Variants in SLC44A3 observed in about 807,000 individuals in gnomAD.
The protein encoded by SLC44A3 is solute carrier family 44 member 3, also known as choline transporter-like protein 3.
Under a neutral mutation model 75.4 loss-of-function variants are expected in SLC44A3, and 74 were observed. That is an observed-to-expected ratio of 0.98 (90% CI 0.81 to 1.19). The LOEUF (loss-of-function observed/expected upper bound fraction) is 1.19. SLC44A3 is among the 50% of genes most tolerant of loss of function. The pLI, the probability that SLC44A3 is intolerant of heterozygous loss-of-function variation, is 0.00. For missense variants in SLC44A3, 700 were observed against 778.6 expected (o/e 0.90, Z 1.20); for synonymous variants, 310 against 296.9 (o/e 1.04, Z -0.45).
chr1:94,860,204 T>C (rs1419399736), intron 10 of SLC44A3, among the ~76,000 whole-genome samples: 1 of 152,126 alleles, frequency 6.6e-6, no homozygotes. Context: ...GATGTATTGC[T>C]AGGATCCCCT....
At chr1:94,831,145 A>C (rs921491214) in intron 5 of SLC44A3, among the ~76,000 whole-genome samples, 1 of 152,132 alleles carries the variant, frequency 6.6e-6, no homozygotes. Flanking sequence ...CCTGTGTCAT[A>C]ATAGCACCAT....
intron 13 of SLC44A3, 142 bp from the exon 14 acceptor site, chr1:94,892,139 C>A (rs1571493162): frequency 7.6e-6 from 6 of 789,210 alleles, no homozygotes; most frequent in Non-Finnish European, 1.2e-5. Context: ...TTCATTCTGC[C>A]AAAATTTCTG....
chr1:94,870,273 T>C (rs1489276871), intron 12 of SLC44A3, among the ~76,000 whole-genome samples: 1 of 152,212 alleles, frequency 6.6e-6, no homozygotes, highest in African/African-American at 2.4e-5. Context: ...CTGGGCATAA[T>C]AGGGACCAGG....
intron 9 of SLC44A3, among the ~76,000 whole-genome samples, chr1:94,852,291 G>A (rs145340493): frequency 0.013 from 1,910 of 152,268 alleles, 13 homozygotes; most frequent in Non-Finnish European, 0.018. Context: ...AATAGGAAAT[G>A]CATGAGGGGG....
rs1362049639 is a variant in SLC44A3 at position 94,892,391 on chromosome 1, A to C, written c.1731A>C (p.Leu577Phe). Residue 577 changes from leucine (L) to phenylalanine (F), a missense_variant, in exon 14 of 15, where the codon TTA becomes TTC. Physicochemically the swap from Leu to Phe is conservative, Grantham distance 22. Coordinates refer to ENST00000271227, the MANE Select transcript of SLC44A3 (RefSeq NM_001114106.3). ...PLLLVAFFAY[L>F]VAHSFLSVFE... is the part of the protein sequence containing the mutation. ...TATTGGTAGCTTTTTTTGCCTACTT[A>C]GTAGCCCATAGTTTTTTATCTGTGT... 1 of 1,614,144 alleles carries C rather than the reference A, an allele frequency of 6.2e-7. No individual in the cohort carries two copies. The highest frequency in any genetic ancestry group is 1.1e-5 in the South Asian group (1 of 91,072).
At chr1:94,867,528 AT>A in intron 12 of SLC44A3, 111 bp downstream of exon 12, 1 of 733,640 alleles carries the variant, frequency 1.4e-6, no homozygotes. Context: ...TTGTGTAAAC[AT>A]TTTAGGCTTT....
intron 10 of SLC44A3, 129 bp from the exon 11 acceptor site, chr1:94,864,614 A>G (rs776347075): frequency 1.4e-5 from 13 of 925,252 alleles, no homozygotes; most frequent in Non-Finnish European, 1.9e-5. Context: ...AAGGAGTATA[A>G]AAAGTTCGCC....
intron 13 of SLC44A3, among the ~76,000 whole-genome samples, chr1:94,891,749 C>T (rs966526389): frequency 1.3e-5 from 2 of 151,934 alleles, no homozygotes; most frequent in East Asian, 1.9e-4. Flanking sequence ...ATGGGAAAAC[C>T]CCGTCTCTAC....
chr1:94,827,442 G>A (rs1170651544), intron 3 of SLC44A3, 65 bp from the exon 4 acceptor site: 6 of 1,587,736 alleles, frequency 3.8e-6, no homozygotes, highest in South Asian at 2.2e-5. Context: ...ATTTTTTAAG[G>A]CCCACAATTA....
chr1:94,841,053 A>G lies in SLC44A3; in HGVS notation c.761-947A>G, dbSNP rs545365248. ...TGTGAACATCACAGGGTGCACTTAC[A>G]CAAACCTAGATGGTAGAGCCTACTA... On this transcript the variant is annotated intron_variant, in intron 7 of 14. Transcript: ENST00000271227. Among the ~76,000 whole-genome samples, 243 of 152,326 alleles carry G rather than the reference A, an allele frequency of 1.6e-3. 1 individual carries two copies. Among genetic ancestry groups the G allele is most frequent in the African/African-American group, 5.5e-3 (229 of 41,580 alleles).
chr1:94,837,619 A>G, intron 5 of SLC44A3, 92 bp from the exon 6 acceptor site: 1 of 1,319,312 alleles, frequency 7.6e-7, no homozygotes, highest in Non-Finnish European at 1.0e-6. Flanking sequence ...GTAGTTCTTA[A>G]GCTTTTTTGG....
chr1:94,820,489 G>C lies in SLC44A3; in HGVS notation c.27+11G>C. On this transcript the variant is annotated intron_variant, in intron 1 of 14. Coordinates refer to ENST00000271227, the MANE Select transcript of SLC44A3 (RefSeq NM_001114106.3). Reference sequence around the variant, plus strand: ...GGCGCCGAGTACCTGGTAAGCGCTCGCAGCCTCGGCCCTCGGGGGAGGAGC... The same window carrying C: ...GGCGCCGAGTACCTGGTAAGCGCTCCCAGCCTCGGCCCTCGGGGGAGGAGC... The C allele has an allele frequency of 2.0e-6, 3 of 1,491,710 alleles. No homozygotes were observed. The highest frequency in any genetic ancestry group is 2.7e-6 in the Non-Finnish European group (3 of 1,123,186). The allele number at this position is 1,491,710 out of a possible 1,614,324, so 92.4% of individuals were successfully genotyped here.
At chr1:94,884,273 CT>C (rs1217789424) in intron 12 of SLC44A3, among the ~76,000 whole-genome samples, 3 of 77,626 alleles carry the variant, frequency 3.9e-5, no homozygotes, top group Non-Finnish European at 1.1e-4. Flanking sequence ...CGGTGCATTC[CT>C]GAAGGGATCT....
At position 94,835,966 on chromosome 1, in the gene SLC44A3, G is replaced by A. The variant is rs766916976; in HGVS notation, c.510-1745G>A. Among the ~76,000 whole-genome samples, 40 of 152,310 alleles carry A rather than the reference G, an allele frequency of 2.6e-4. No individual in the cohort carries two copies. In the Middle Eastern group the frequency reaches 0.01, roughly 39 times the overall value. On this transcript the variant is annotated intron_variant, in intron 5 of 14. Coordinates refer to ENST00000271227, the MANE Select transcript of SLC44A3 (RefSeq NM_001114106.3). ...CAAAAATGTAATTACAAAAAACACC[G>A]TTTGTGTTACTCTTCTCTTGAACCA... is the stretch of plus-strand genomic sequence containing the variant.
intron 14 of SLC44A3, among the ~76,000 whole-genome samples, chr1:94,893,748 G>A (rs1177809207): frequency 6.6e-6 from 1 of 152,094 alleles, no homozygotes; most frequent in Non-Finnish European, 1.5e-5. Flanking sequence ...GCTTATGATG[G>A]TGGTATGTAG....
At chr1:94,821,124 AAATGTAAATCG>A (rs1660520587) in intron 2 of SLC44A3, 68 bp downstream of exon 2, 5 of 197,294 alleles carry the variant, frequency 2.5e-5, no homozygotes, top group East Asian at 7.4e-5. Flanking sequence ...ACTCTGTCCC[AAATGTAAATCG>A]TAGTTGGTGC....
chr1:94,831,401 G>A (rs1471942155), intron 5 of SLC44A3, among the ~76,000 whole-genome samples: 1 of 152,196 alleles, frequency 6.6e-6, no homozygotes, highest in African/African-American at 2.4e-5. Context: ...AACATGAGAA[G>A]GGTGGCTATA....
chr1:94,878,432 G>A (rs751334307), intron 12 of SLC44A3, among the ~76,000 whole-genome samples: 20 of 152,010 alleles, frequency 1.3e-4, no homozygotes, highest in Middle Eastern at 3.2e-3. Context: ...TATCAGCCCC[G>A]GGTTCATGCT....
intron 8 of SLC44A3, among the ~76,000 whole-genome samples, chr1:94,844,082 C>T (rs1197835974): frequency 6.6e-6 from 1 of 152,148 alleles, no homozygotes; most frequent in South Asian, 2.1e-4. Context: ...AATGGCCCTG[C>T]TCTCTAGGAG....
Sources: allele counts gnomAD v4.1 joint callset (sites outside exome capture counted in the v4.1 genomes callset), GRCh38; gene constraint gnomAD v4.1.1; transcripts MANE v1.5; gene names NCBI Gene and HGNC (gene_info 2026-07-23, HGNC 2026-07-21).